Variants in LMX1B observed in about 807,000 individuals in gnomAD.
LMX1B encodes the protein LIM homeobox transcription factor 1-beta.
LMX1B carries 12 observed loss-of-function variants against 51.4 expected under a neutral mutation model. The ratio of observed to expected loss-of-function variants is 0.23; its 90% CI spans 0.15 to 0.38. The LOEUF (loss-of-function observed/expected upper bound fraction) is 0.38, where lower values mean the gene tolerates loss of function less well. LMX1B is among the 10% of genes least tolerant of loss of function. The pLI is 1.00. For missense variants in LMX1B, 445 were observed against 571.1 expected (o/e 0.78, Z 2.25); for synonymous variants, 237 against 235.4 (o/e 1.01, Z -0.06).
chr9:126,657,095 G>A (rs1175450656), intron 2 of LMX1B, among the ~76,000 whole-genome samples: 2 of 152,164 alleles, frequency 1.3e-5, no homozygotes, highest in Admixed American at 6.5e-5. Flanking sequence ...CTTTTAAGCA[G>A]CACTTGTGCA....
chr9:126,688,169 G>A (rs960899610), intron 2 of LMX1B, among the ~76,000 whole-genome samples: 3 of 152,206 alleles, frequency 2.0e-5, no homozygotes, highest in Non-Finnish European at 4.4e-5. Context: ...CTGTAATGGC[G>A]GCACTGAGCC....
intron 3 of LMX1B, 131 bp downstream of exon 3, chr9:126,691,199 A>G (rs2030117997): frequency 3.0e-6 from 2 of 664,672 alleles, no homozygotes; most frequent in Non-Finnish European, 5.3e-6. Flanking sequence ...GTACATGCAT[A>G]TCCAGATGCA....
chr9:126,631,393 G>A (rs1238076341), intron 2 of LMX1B, among the ~76,000 whole-genome samples: 2 of 152,236 alleles, frequency 1.3e-5, no homozygotes, highest in African/African-American at 4.8e-5. Context: ...CTCGTGGCAG[G>A]AGGTCAGGAA....
At chr9:126,686,588 A>T (rs1318757235) in intron 2 of LMX1B, among the ~76,000 whole-genome samples, 2 of 152,184 alleles carry the variant, frequency 1.3e-5, no homozygotes, top group South Asian at 2.1e-4. Flanking sequence ...GGCCGGGCTG[A>T]TGCTGAGTAA....
At chr9:126,659,480 C>A (rs1202063427) in intron 2 of LMX1B, among the ~76,000 whole-genome samples, 1 of 152,266 alleles carries the variant, frequency 6.6e-6, no homozygotes, top group Non-Finnish European at 1.5e-5. Flanking sequence ...ATGGCCCATC[C>A]AGCCTCTCCA....
At position 126,693,589 on chromosome 9, in the gene LMX1B, C is replaced by T. The variant is rs121909486; in HGVS notation, c.807C>T (p.Asn269=). ...GCGTGGTCCAGGTCTGGTTTCAGAACCAAAGAGCAAAGGTAAGAGGCCACC... is the reference window on the plus strand; with the variant it reads ...GCGTGGTCCAGGTCTGGTTTCAGAATCAAAGAGCAAAGGTAAGAGGCCACC... The part of the protein sequence containing the change: ...SVRVVQVWFQ[N]QRAKMKKLAR... Residue 269 remains asparagine, a synonymous_variant, in exon 5 of 8, where the codon AAC becomes AAT. Coordinates refer to ENST00000373474, the MANE Select transcript of LMX1B (RefSeq NM_001174147.2). 2.5e-6 allele frequency: 4 copies of T among 1,614,038 alleles called. No homozygotes were observed. The African/African-American group carries it at 5.3e-5, about 22-fold the overall frequency.
At chr9:126,623,584 C>G (rs1835457283) in intron 2 of LMX1B, among the ~76,000 whole-genome samples, 1 of 152,224 alleles carries the variant, frequency 6.6e-6, no homozygotes, top group African/African-American at 2.4e-5. Context: ...AGATTTCCCC[C>G]CCAGGCGGGT....
chr9:126,614,773 G>C (rs1356869998), intron 1 of LMX1B, among the ~76,000 whole-genome samples, 185 bp downstream of exon 1: 2 of 152,164 alleles, frequency 1.3e-5, no homozygotes, highest in Admixed American at 1.3e-4. Flanking sequence ...CAGGCGTCCT[G>C]AGGGGACAGG....
At chr9:126,693,500 C>T (rs1244159365) in intron 4 of LMX1B, 24 bp from the exon 5 acceptor site, 1 of 1,612,562 alleles carries the variant, frequency 6.2e-7, no homozygotes, top group Non-Finnish European at 8.5e-7. Context: ...GAGGGCCTGA[C>T]CTGTTCCCCT....
chr9:126,619,146 CTT>C (rs1835361392), intron 2 of LMX1B, among the ~76,000 whole-genome samples: 1 of 152,208 alleles, frequency 6.6e-6, no homozygotes, highest in African/African-American at 2.4e-5. Context: ...AGAAAGCCCT[CTT>C]GAGTCCTGGG....
intron 2 of LMX1B, among the ~76,000 whole-genome samples, chr9:126,631,582 G>A (rs1435794884): frequency 1.3e-5 from 2 of 152,132 alleles, no homozygotes; most frequent in Non-Finnish European, 1.5e-5. Context: ...GGGGTGAGGT[G>A]GGGATAGGGG....
rs761037723 is a variant in LMX1B, at chr9:126,695,862, G to A, written c.910G>A (p.Gly304Ser). ...AGAGGTCCTGTCCAGCCGCATGGAG[G>A]GCATGATGGCTTCCTACACGCCGCT... ...GQEVLSSRME[G>S]MMASYTPLAP... The change falls in exon 7 of 8, where the codon GGC becomes AGC. Residue 304 changes from glycine (G) to serine (S), a missense_variant. Gly to Ser is a moderately conservative substitution (Grantham distance 56, BLOSUM62 0). Around this residue, in one of 3 missense-constraint regions of LMX1B, gnomAD observed 162 missense variants for 187.8 expected, o/e 0.86. Transcript: ENST00000373474. The surrounding 1 kb of genome is among the most constrained non-coding windows in gnomAD (Gnocchi z 5.2). 1.9e-6 allele frequency: 3 copies of A among 1,613,132 alleles called. No individual in the cohort carries two copies. Among genetic ancestry groups the A allele is most frequent in the South Asian group, 1.1e-5 (1 of 91,056 alleles).
chr9:126,646,131 T>C (rs951014103), intron 2 of LMX1B, among the ~76,000 whole-genome samples: 1 of 152,192 alleles, frequency 6.6e-6, no homozygotes, highest in Non-Finnish European at 1.5e-5. Context: ...GGGCAGAATA[T>C]TGGGCTAAAC....
At chr9:126,636,687 G>A (rs937419120) in intron 2 of LMX1B, among the ~76,000 whole-genome samples, 6 of 152,166 alleles carry the variant, frequency 3.9e-5, no homozygotes, top group Admixed American at 6.5e-5. Flanking sequence ...GCAAGTACAC[G>A]TGTGCGTAGG....
chr9:126,642,754 C>T (rs868191416), intron 2 of LMX1B, among the ~76,000 whole-genome samples: 59 of 152,354 alleles, frequency 3.9e-4, no homozygotes, highest in African/African-American at 1.3e-3. Context: ...AGATCATTCT[C>T]CTTGTCTTGG....
chr9:126,678,021 G>A (rs1836598483), intron 2 of LMX1B, among the ~76,000 whole-genome samples: 1 of 152,146 alleles, frequency 6.6e-6, no homozygotes, highest in Non-Finnish European at 1.5e-5. Context: ...ATTAGAATGT[G>A]GAGAAACTGC....
rs114995696 is a variant in LMX1B at position 126,655,272 on chromosome 9, C to T, written c.327-35564C>T. On this transcript the variant is annotated intron_variant, in intron 2 of 7. Coordinates refer to ENST00000373474, the MANE Select transcript of LMX1B (RefSeq NM_001174147.2). ...GCCTTGTGAGCCTTGCCGCCTCACC[C>T]GATGTGGTGGCCCCCTTCGATGAGG... is the stretch of plus-strand genomic sequence containing the variant. Among the ~76,000 whole-genome samples, 1,064 of 152,324 alleles carry T rather than the reference C, an allele frequency of 7.0e-3. 13 individuals carry two copies. The highest frequency in any genetic ancestry group is 0.024 in the African/African-American group (1,016 of 41,564).
At chr9:126,688,488 A>G (rs1422193514) in intron 2 of LMX1B, among the ~76,000 whole-genome samples, 1 of 152,224 alleles carries the variant, frequency 6.6e-6, no homozygotes, top group African/African-American at 2.4e-5. Flanking sequence ...TAGTGTGGCC[A>G]CTAGGTCAGG....
chr9:126,653,890 C>T (rs1426989376), intron 2 of LMX1B, among the ~76,000 whole-genome samples: 1 of 152,174 alleles, frequency 6.6e-6, no homozygotes, highest in Non-Finnish European at 1.5e-5. Context: ...CCACCCCCTG[C>T]ATCAGGCCAA....
Sources: allele counts gnomAD v4.1 joint callset (sites outside exome capture counted in the v4.1 genomes callset), GRCh38; gene constraint gnomAD v4.1.1; regional missense constraint gnomAD v4.1.1; non-coding constraint Gnocchi (gnomAD v3.1); transcripts MANE v1.5; gene names NCBI Gene and HGNC (gene_info 2026-07-23, HGNC 2026-07-21).